Variants in IGSF10 observed in about 807,000 individuals in gnomAD.
IGSF10 encodes the protein immunoglobulin superfamily member 10.
In IGSF10, 126 loss-of-function variants were observed where a neutral mutation model predicts 128.2. That is an observed-to-expected ratio of 0.98 (90% CI 0.85 to 1.14). IGSF10 has a LOEUF of 1.14. Among genes scored for constraint, IGSF10 ranks in the 50% most tolerant of loss-of-function variants. The pLI is 0.00. For synonymous variants in IGSF10, 1,185 were observed against 1,146.2 expected, an observed-to-expected ratio of 1.03 and a Z score of -0.68; for missense variants, 3,295 against 3,149.8, an observed-to-expected ratio of 1.05 and a Z score of -1.10.
chr3:151,566,519 G>A, the IGSF10 span, among the ~76,000 whole-genome samples: 52 of 152,296 alleles, frequency 3.4e-4, no homozygotes, highest in Non-Finnish European at 6.8e-4. Flanking sequence ...TTGGGTCCCA[G>A]GCTGATAGAA....
the IGSF10 span, among the ~76,000 whole-genome samples, chr3:151,510,909 A>C: frequency 7.9e-5 from 12 of 152,244 alleles, no homozygotes; most frequent in Non-Finnish European, 1.8e-4. Context: ...AGAGAAGTTT[A>C]GAGAAAAAAG....
Position 151,438,470 on chromosome 3 carries a change from C to G in IGSF10, c.6091G>C (p.Val2031Leu). The change falls in exon 8 of 8, where the codon GTT becomes CTT. Residue 2031 changes from valine to leucine, a missense_variant. By Grantham distance (32) the Val-to-Leu change is conservative (BLOSUM62 1). Transcript: ENST00000282466. ...KMGDDLILMHVSLRLKPAKID... is the reference protein window; with the variant it reads ...KMGDDLILMHLSLRLKPAKID... ...TTGGCAGGTTTCAGTCTTAGGCTAA[C>G]ATGCATCAGTATCAGATCATCCCCC... 6.2e-7 allele frequency: 1 copy of G among 1,614,184 alleles called. No individual in the cohort carries two copies. Among genetic ancestry groups the G allele is most frequent in the South Asian group, 1.1e-5 (1 of 91,082 alleles).
intron 4 of IGSF10, 92 bp from the exon 5 acceptor site, chr3:151,453,866 TAATTC>T (rs1025755781): frequency 8.0e-6 from 6 of 750,638 alleles, no homozygotes; most frequent in African/African-American, 1.8e-5. Flanking sequence ...ATGTTGAAAT[TAATTC>T]AGTGCAATTT....
At chr3:151,599,217 T>A in the IGSF10 span, among the ~76,000 whole-genome samples, 1 of 151,962 alleles carries the variant, frequency 6.6e-6, no homozygotes, top group Non-Finnish European at 1.5e-5. Context: ...TGTCAAGAAG[T>A]TGTTCAGAGT....
the IGSF10 span, among the ~76,000 whole-genome samples, chr3:151,582,461 G>A: frequency 1.3e-5 from 2 of 151,624 alleles, no homozygotes; most frequent in Non-Finnish European, 2.9e-5. Context: ...AATTTATTTC[G>A]CACCAGATTT....
the IGSF10 span, among the ~76,000 whole-genome samples, chr3:151,503,085 T>C: frequency 7.2e-5 from 11 of 152,042 alleles, no homozygotes; most frequent in Admixed American, 7.2e-4. Context: ...CAAAAAATAA[T>C]GAAGTTTAAG....
the IGSF10 span, among the ~76,000 whole-genome samples, chr3:151,547,427 T>TACACACAC: frequency 6.7e-3 from 945 of 140,720 alleles, 7 homozygotes; most frequent in African/African-American, 0.024. Context: ...TAAATATATA[T>TACACACAC]ATACACACAC....
chr3:151,436,635 ACTT>A lies in IGSF10; in HGVS notation c.*51_*53del, dbSNP rs1720257480. On this transcript the variant is annotated 3_prime_UTR_variant, in exon 8 of 8. Coordinates refer to ENST00000282466, the MANE Select transcript of IGSF10 (RefSeq NM_178822.5). ...CATGCCTATGGCTGCCTTTGATTAA[ACTT>A]CTTCCAAAAAATAAATTCTGCCCAG... 2.3e-6 allele frequency: 3 copies of A among 1,319,082 alleles called. No homozygotes were observed. The highest frequency in any genetic ancestry group is 1.5e-5 in the African/African-American group (1 of 67,978). The allele number at this position is 1,319,082 out of a possible 1,614,324, so 81.7% of individuals were successfully genotyped here. A position where few individuals can be genotyped will look rare whatever the true frequency, so the allele number is the denominator to read the frequency against.
At chr3:151,547,231 C>T in the IGSF10 span, among the ~76,000 whole-genome samples, 1 of 152,232 alleles carries the variant, frequency 6.6e-6, no homozygotes, top group South Asian at 2.1e-4. Flanking sequence ...AGATCCACTC[C>T]ATCCTTTTTA....
the IGSF10 span, among the ~76,000 whole-genome samples, chr3:151,512,054 A>T: frequency 6.6e-6 from 1 of 152,178 alleles, no homozygotes; most frequent in East Asian, 1.9e-4. Flanking sequence ...AGACAGATCA[A>T]CTAGACAGAA....
intron 3 of IGSF10, 125 bp from the exon 4 acceptor site, chr3:151,457,280 C>G (rs1721841594): frequency 2.3e-6 from 2 of 885,030 alleles, no homozygotes; most frequent in Non-Finnish European, 3.4e-6. Flanking sequence ...TTGAGACAAT[C>G]AAATGCTTCA....
chr3:151,542,903 A>G, the IGSF10 span, among the ~76,000 whole-genome samples: 4 of 152,170 alleles, frequency 2.6e-5, no homozygotes, highest in African/African-American at 9.7e-5. Context: ...ACACAATTTT[A>G]GCTTTTTTTC....
the IGSF10 span, among the ~76,000 whole-genome samples, chr3:151,600,559 A>C: frequency 6.6e-6 from 1 of 152,166 alleles, no homozygotes; most frequent in Non-Finnish European, 1.5e-5. Context: ...GGCTGCTGCA[A>C]AAAATAACAG....
the IGSF10 span, among the ~76,000 whole-genome samples, chr3:151,598,070 G>GGT: frequency 0.1 from 13,774 of 137,628 alleles, 737 homozygotes; most frequent in Non-Finnish European, 0.12. Flanking sequence ...AATGAGTACT[G>GGT]GTGTGTGTGT....
chr3:151,550,633 G>C, the IGSF10 span, among the ~76,000 whole-genome samples: 1 of 152,094 alleles, frequency 6.6e-6, no homozygotes. Context: ...GGTGTATTTA[G>C]AGACCTGATT....
At chr3:151,525,022 TTTTTTTTTTTTTTTTTTTTTTTA>T in the IGSF10 span, among the ~76,000 whole-genome samples, 197 of 105,180 alleles carry the variant, frequency 1.9e-3, 1 homozygote, top group African/African-American at 7.6e-3. Flanking sequence ...TTTTTTTTTT[TTTTTTTTTTTTTTTTTTTTTTTA>T]AAGAGAGCCT....
At chr3:151,457,002 G>A in intron 4 of IGSF10, 24 bp downstream of exon 4, 1 of 1,613,630 alleles carries the variant, frequency 6.2e-7, no homozygotes. Context: ...TCTTTAACCT[G>A]CCCCCTCTCT....
chr3:151,570,611 G>T, the IGSF10 span, among the ~76,000 whole-genome samples: 6 of 152,136 alleles, frequency 3.9e-5, no homozygotes, highest in African/African-American at 4.8e-5. Context: ...ATTTGTTTAA[G>T]TTTTTGTAGA....
At chr3:151,546,541 G>A in the IGSF10 span, among the ~76,000 whole-genome samples, 98 of 149,404 alleles carry the variant, frequency 6.6e-4, 1 homozygote, top group South Asian at 0.02. Context: ...ATATTTAGTC[G>A]AGATAAAGCC....
Sources: allele counts gnomAD v4.1 joint callset (sites outside exome capture counted in the v4.1 genomes callset), GRCh38; gene constraint gnomAD v4.1.1; transcripts MANE v1.5; gene names NCBI Gene and HGNC (gene_info 2026-07-23, HGNC 2026-07-21).